DOK5: variants seen among roughly 807,000 people sequenced by gnomAD.
DOK5 encodes the protein downstream of tyrosine kinase 5.
DOK5 carries 27 observed loss-of-function variants against 43.3 expected under a neutral mutation model. The observed-to-expected ratio is 0.62, with a 90% CI of 0.46 to 0.86. The LOEUF is 0.86. Among genes scored for constraint, DOK5 ranks in the 40% least tolerant of loss-of-function variants. The pLI, the probability that DOK5 is intolerant of heterozygous loss-of-function variation, is 0.00. For missense variants in DOK5, 373 were observed against 392.9 expected, an observed-to-expected ratio of 0.95 and a Z score of 0.43; for synonymous variants, 146 against 140.1, an observed-to-expected ratio of 1.04 and a Z score of -0.30.
intron 2 of DOK5, among the ~76,000 whole-genome samples, chr20:54,588,143 A>G (rs928847945): frequency 3.3e-5 from 5 of 152,316 alleles, no homozygotes; most frequent in Non-Finnish European, 5.9e-5. Context: ...CGAAACAGAC[A>G]TAAGAACTAT....
intron 1 of DOK5, among the ~76,000 whole-genome samples, chr20:54,536,271 A>C (rs1193429406): frequency 6.6e-6 from 1 of 152,188 alleles, no homozygotes; most frequent in Non-Finnish European, 1.5e-5. Flanking sequence ...GTAGACTGTG[A>C]GTGCATCAGT....
chr20:54,618,534 G>T (rs188450762), intron 6 of DOK5, among the ~76,000 whole-genome samples: 1 of 151,946 alleles, frequency 6.6e-6, no homozygotes, highest in Non-Finnish European at 1.5e-5. Context: ...TAGTAGAGAC[G>T]GTGTTTCACT....
intron 6 of DOK5, among the ~76,000 whole-genome samples, chr20:54,619,057 ATATATATATATATATATG>A: frequency 8.6e-6 from 1 of 116,222 alleles, no homozygotes; most frequent in African/African-American, 3.5e-5. Context: ...ATATATATAT[ATATATATATATATATATG>A]AAAAATCACT....
intron 1 of DOK5, among the ~76,000 whole-genome samples, chr20:54,497,782 T>TC (rs1982456021): frequency 6.6e-6 from 1 of 152,198 alleles, no homozygotes; most frequent in Admixed American, 6.5e-5. Context: ...AGTTGAGTGG[T>TC]CATTTGCTTT....
intron 6 of DOK5, among the ~76,000 whole-genome samples, chr20:54,611,042 T>C (rs1986635260): frequency 6.6e-6 from 1 of 152,184 alleles, no homozygotes; most frequent in Admixed American, 6.5e-5. Context: ...TACCTGCTAG[T>C]TGGTAACTGT....
intron 1 of DOK5, among the ~76,000 whole-genome samples, chr20:54,520,807 AC>A (rs888478886): frequency 6.6e-6 from 1 of 152,066 alleles, no homozygotes; most frequent in African/African-American, 2.4e-5. Context: ...ACAAAAAACA[AC>A]AAAAAAACCT....
At chr20:54,565,647 A>G (rs904048389) in intron 2 of DOK5, among the ~76,000 whole-genome samples, 3 of 152,204 alleles carry the variant, frequency 2.0e-5, no homozygotes, top group Non-Finnish European at 4.4e-5. Context: ...ATATTTGTTT[A>G]CTGCTAGTAT....
At chr20:54,635,101 G>T (rs926816361) in intron 6 of DOK5, among the ~76,000 whole-genome samples, 2 of 152,158 alleles carry the variant, frequency 1.3e-5, no homozygotes, top group African/African-American at 4.8e-5. Context: ...TCCTCCCTTT[G>T]GAGTTCAGGC....
chr20:54,567,140 C>A (rs1985126721), intron 2 of DOK5, among the ~76,000 whole-genome samples: 1 of 151,884 alleles, frequency 6.6e-6, no homozygotes, highest in Admixed American at 6.6e-5. Context: ...ATTTTTCTTT[C>A]ACCCTCTTAA....
chr20:54,481,747 G>A (rs548633012), intron 1 of DOK5, among the ~76,000 whole-genome samples: 3 of 152,288 alleles, frequency 2.0e-5, no homozygotes, highest in South Asian at 4.2e-4. Context: ...AAGAGCATAG[G>A]CTCTGACATG....
chr20:54,565,739 A>G (rs1397141859), intron 2 of DOK5, among the ~76,000 whole-genome samples: 1 of 152,030 alleles, frequency 6.6e-6, no homozygotes, highest in African/African-American at 2.4e-5. Context: ...GATACTGAAC[A>G]TGGTCGGGCG....
chr20:54,534,093 A>T (rs891087954), intron 1 of DOK5, among the ~76,000 whole-genome samples: 1 of 152,232 alleles, frequency 6.6e-6, no homozygotes, highest in Non-Finnish European at 1.5e-5. Flanking sequence ...TAAAACATGG[A>T]TGGTGGTAAA....
chr20:54,480,919 A>G (rs981103411), intron 1 of DOK5, among the ~76,000 whole-genome samples: 4 of 142,596 alleles, frequency 2.8e-5, no homozygotes, highest in East Asian at 1.9e-4. Flanking sequence ...CTATCTATCT[A>G]TCTATCAATC....
intron 6 of DOK5, among the ~76,000 whole-genome samples, chr20:54,628,188 T>C (rs7263678): frequency 0.41 from 62,282 of 151,738 alleles, 14,978 homozygotes; most frequent in African/African-American, 0.65. Flanking sequence ...TAAGTGATTA[T>C]GTTCTCTCAT....
intron 1 of DOK5, among the ~76,000 whole-genome samples, chr20:54,501,466 C>CAAAAAAAAAAAAAAAAAAA (rs76224592): frequency 5.1e-5 from 1 of 19,460 alleles, no homozygotes; most frequent in African/African-American, 2.1e-4. Context: ...GACTCACTCT[C>CAAAAAAAAAAAAAAAAAAA]AAAAAAAAAA....
chr20:54,617,831 C>T (rs1006693453), intron 6 of DOK5, among the ~76,000 whole-genome samples: 25 of 152,134 alleles, frequency 1.6e-4, no homozygotes, highest in Admixed American at 4.6e-4. Context: ...GCTAGTAATA[C>T]GATGTATTTA....
At chr20:54,531,912 ATTACT>A (rs1026630921) in intron 1 of DOK5, among the ~76,000 whole-genome samples, 6 of 152,194 alleles carry the variant, frequency 3.9e-5, no homozygotes, top group African/African-American at 1.4e-4. Flanking sequence ...TATACAAACA[ATTACT>A]TTAAGTGTAG....
At chr20:54,581,311 G>T (rs1985630062) in intron 2 of DOK5, among the ~76,000 whole-genome samples, 1 of 149,634 alleles carries the variant, frequency 6.7e-6, no homozygotes, top group Non-Finnish European at 1.5e-5. Context: ...CTCTGGCTTT[G>T]TTCTTTTATG....
At chr20:54,575,040 T>C (rs1468985750) in intron 2 of DOK5, among the ~76,000 whole-genome samples, 2 of 152,222 alleles carry the variant, frequency 1.3e-5, no homozygotes, top group African/African-American at 2.4e-5. Context: ...TTAACAAAAA[T>C]GTTTATCTGA....
Sources: gnomAD v4.1 joint callset for allele counts (sites outside exome capture counted in the v4.1 genomes callset) on GRCh38, gnomAD v4.1.1 for gene constraint, MANE v1.5 for transcripts, NCBI Gene and HGNC (gene_info 2026-07-23, HGNC 2026-07-21) for gene names.